Variants in ASPRV1 observed in about 807,000 individuals in gnomAD.
The protein encoded by ASPRV1 is retroviral-like aspartic protease 1.
ASPRV1 carries 7 observed loss-of-function variants against 11.0 expected under a neutral mutation model. That is an observed-to-expected ratio of 0.64 (90% CI 0.36 to 1.20). The LOEUF (loss-of-function observed/expected upper bound fraction) is 1.20. Among genes scored for constraint, ASPRV1 ranks in the 50% most tolerant of loss-of-function variants. ASPRV1 has a pLI of 0.02. For synonymous variants in ASPRV1, 136 were observed against 138.4 expected (o/e 0.98, Z 0.12); for missense variants, 299 against 320.0 (o/e 0.93, Z 0.50).
chr2:69,958,757 G>T (rs977270532), downstream of ASPRV1, among the ~76,000 whole-genome samples: 1 of 152,132 alleles, frequency 6.6e-6, no homozygotes, highest in Admixed American at 6.5e-5. Context: ...AATTTGAGAA[G>T]GGGGATGCAG....
chr2:69,946,819 A>G, the ASPRV1 span, among the ~76,000 whole-genome samples: 14 of 152,114 alleles, frequency 9.2e-5, no homozygotes, highest in Non-Finnish European at 1.3e-4. Context: ...AGGGGTGGCT[A>G]TTTTCCAGGT....
chr2:69,964,376 G>A (rs1678263749), upstream of ASPRV1: 1 of 453,564 alleles, frequency 2.2e-6, no homozygotes, highest in Admixed American at 2.4e-5. Flanking sequence ...TACCGTGAGA[G>A]CTGGAAGGAG....
the ASPRV1 span, among the ~76,000 whole-genome samples, chr2:70,051,975 CA>C: frequency 2.0e-5 from 3 of 150,154 alleles, no homozygotes; most frequent in African/African-American, 4.9e-5. Context: ...ACCCTGTCTC[CA>C]AAAAAAAGGG....
the ASPRV1 span, among the ~76,000 whole-genome samples, chr2:70,061,225 G>A: frequency 2.6e-5 from 4 of 151,708 alleles, no homozygotes; most frequent in African/African-American, 4.8e-5. Flanking sequence ...GAGAAACCCC[G>A]TCTCCATGAA....
chr2:69,949,879 G>A, the ASPRV1 span, among the ~76,000 whole-genome samples: 4 of 152,238 alleles, frequency 2.6e-5, no homozygotes, highest in East Asian at 3.9e-4. Flanking sequence ...GCAATGGCAC[G>A]ATCTCAGCTC....
the ASPRV1 span, among the ~76,000 whole-genome samples, chr2:69,969,978 C>T: frequency 2.0e-5 from 3 of 152,050 alleles, no homozygotes; most frequent in Admixed American, 6.6e-5. Context: ...GCAATCCTCC[C>T]GCCTTGGCCT....
chr2:69,963,122 C>G (rs1167727086), upstream of ASPRV1: 1 of 378,136 alleles, frequency 2.6e-6, no homozygotes. Flanking sequence ...AGGTCCCCAA[C>G]CACAATGCAA....
chr2:69,938,114 G>A, the ASPRV1 span: 35 of 1,613,962 alleles, frequency 2.2e-5, no homozygotes, highest in Non-Finnish European at 2.7e-5. Context: ...CGACGTTGAC[G>A]TGGAGAGCAC....
chr2:70,007,863 T>C, the ASPRV1 span, among the ~76,000 whole-genome samples: 6 of 151,902 alleles, frequency 3.9e-5, no homozygotes, highest in Non-Finnish European at 8.8e-5. Flanking sequence ...CGACAAAGAG[T>C]CTCACTTTGT....
At chr2:70,024,503 G>C in the ASPRV1 span, among the ~76,000 whole-genome samples, 1 of 152,164 alleles carries the variant, frequency 6.6e-6, no homozygotes, top group African/African-American at 2.4e-5. Context: ...GAGCCAGGAT[G>C]CCAAGAAATC....
At chr2:69,971,230 C>G in the ASPRV1 span, 1 of 152,134 alleles carries the variant, frequency 6.6e-6, no homozygotes, top group African/African-American at 2.4e-5. Flanking sequence ...CATCATAATC[C>G]AGTACACATA....
the ASPRV1 span, among the ~76,000 whole-genome samples, chr2:70,007,901 T>C: frequency 2.0e-5 from 3 of 152,128 alleles, no homozygotes; most frequent in Non-Finnish European, 4.4e-5. Context: ...AGTGGTGTGA[T>C]CTCAGCTCAC....
the ASPRV1 span, among the ~76,000 whole-genome samples, chr2:69,980,131 C>A: frequency 6.6e-6 from 1 of 152,226 alleles, no homozygotes; most frequent in Non-Finnish European, 1.5e-5. Flanking sequence ...TGCCCTCCCC[C>A]ATGGCCCCTT....
chr2:70,026,171 TAGTC>T, the ASPRV1 span, among the ~76,000 whole-genome samples: 1 of 151,982 alleles, frequency 6.6e-6, no homozygotes, highest in East Asian at 1.9e-4. Flanking sequence ...ATACAAAAAT[TAGTC>T]AGTCATGATG....
At chr2:69,966,010 G>A (rs998733892), upstream of ASPRV1, among the ~76,000 whole-genome samples, 11 of 152,178 alleles carry the variant, frequency 7.2e-5, no homozygotes, top group African/African-American at 2.7e-4. Flanking sequence ...AAGTGGCCCA[G>A]CGCAGCCCAC....
chr2:69,934,475 G>A, the ASPRV1 span, among the ~76,000 whole-genome samples: 5 of 152,058 alleles, frequency 3.3e-5, no homozygotes, highest in Admixed American at 6.6e-5. Flanking sequence ...CTCCCACTCC[G>A]TGCCATTGCA....
At chr2:69,935,590 T>C in the ASPRV1 span, 1 of 674,396 alleles carries the variant, frequency 1.5e-6, no homozygotes. Flanking sequence ...GAATCACAGG[T>C]ACCTCAAATG....
chr2:70,015,269 A>G, the ASPRV1 span, among the ~76,000 whole-genome samples: 2 of 152,368 alleles, frequency 1.3e-5, no homozygotes, highest in Admixed American at 1.3e-4. Context: ...CAGACTAAGT[A>G]AAAACTGTAA....
At chr2:69,984,661 C>T in the ASPRV1 span, among the ~76,000 whole-genome samples, 4 of 141,484 alleles carry the variant, frequency 2.8e-5, no homozygotes, top group Admixed American at 2.8e-4. Context: ...TGCTCTGTCA[C>T]CCAGGCTGGA....
Sources: gnomAD v4.1 joint callset for allele counts (sites outside exome capture counted in the v4.1 genomes callset) on GRCh38, gnomAD v4.1.1 for gene constraint, MANE v1.5 for transcripts, NCBI Gene and HGNC (gene_info 2026-07-23, HGNC 2026-07-21) for gene names.